The following ANK2 variants were observed in gnomAD, a reference collection of about 807,000 sequenced individuals.
The protein encoded by ANK2 is ankyrin 2.
A neutral mutation model predicts 360.5 loss-of-function variants in ANK2; 83 were observed. The observed-to-expected ratio is 0.23, with a 90% CI of 0.19 to 0.28. The LOEUF is 0.28. Ranked by LOEUF, ANK2 falls within the 10% of genes least tolerant of loss-of-function variation. The pLI, the probability that ANK2 is intolerant of heterozygous loss-of-function variation, is 1.00. For synonymous variants in ANK2, 1,740 were observed against 1,759.5 expected, an observed-to-expected ratio of 0.99 and a Z score of 0.28; for missense variants, 4,201 against 4,795.7, an observed-to-expected ratio of 0.88 and a Z score of 3.66.
intron 2 of ANK2, among the ~76,000 whole-genome samples, chr4:112,925,453 A>G (rs987625439): frequency 6.6e-6 from 1 of 152,186 alleles, no homozygotes; most frequent in African/African-American, 2.4e-5. Context: ...TATTGATACA[A>G]AAGATATATC....
chr4:113,164,962 T>C (rs7675829), intron 1 of ANK2, among the ~76,000 whole-genome samples: 64,400 of 151,804 alleles, frequency 0.42, 15,063 homozygotes, highest in African/African-American at 0.61. Context: ...CTCTTTTTTC[T>C]CTCGACCCAA....
intron 1 of ANK2, among the ~76,000 whole-genome samples, chr4:113,118,103 C>T (rs1179379891): frequency 6.6e-6 from 1 of 152,126 alleles, no homozygotes; most frequent in Non-Finnish European, 1.5e-5. Context: ...ATTCCTTTTA[C>T]ATTGAACTAT....
chr4:113,373,556 C>T, intron 45 of ANK2, 107 bp downstream of exon 45: 8 of 1,243,530 alleles, frequency 6.4e-6, no homozygotes, highest in Non-Finnish European at 9.5e-6. Context: ...TTCTCCCTTT[C>T]ATGTGGCAGT....
Position 113,369,674 on chromosome 4 carries a change from C to A in ANK2, c.11479C>A (p.Gln3827Lys), listed in dbSNP as rs1412829550. Residue 3827 changes from glutamine to lysine, a missense_variant, in exon 43 of 46, where the codon CAA becomes AAA. Gln to Lys is a moderately conservative substitution (Grantham distance 53, BLOSUM62 1). Around this residue, in one of 4 missense-constraint regions of ANK2, gnomAD observed 2,642 missense variants for 2,714.5 expected, o/e 0.97. Coordinates refer to ENST00000357077, the MANE Select transcript of ANK2 (RefSeq NM_001148.6). ...CGAGCGGGGAGGCTCTCCCATCATA[C>A]AAGAACCCGAAGAGCCCTCAGAGCA... ...SSERGGSPII[Q>K]EPEEPSEHRE... 11 of 1,614,052 alleles carry A rather than the reference C, an allele frequency of 6.8e-6. No individual in the cohort carries two copies. The highest frequency in any genetic ancestry group is 9.3e-6 in the Non-Finnish European group (11 of 1,180,024).
rs2062909748 is a variant in ANK2 at position 113,282,842 on chromosome 4, T to C, written c.2049T>C (p.Asp683=). Residue 683 remains aspartate, a synonymous_variant, in exon 18 of 46, where the codon GAT becomes GAC. Coordinates refer to ENST00000357077, the MANE Select transcript of ANK2 (RefSeq NM_001148.6). ...CAGATATGGTTACCTTGCTTCTGGA[T>C]AAGGGAGCCAATATCCACATGTCAA... The part of the protein sequence containing the change: ...GHTDMVTLLL[D]KGANIHMSTK... The C allele has an allele frequency of 1.9e-6, 3 of 1,613,864 alleles. No homozygotes were observed. The highest frequency in any genetic ancestry group is 2.5e-6 in the Non-Finnish European group (3 of 1,179,942).
At chr4:112,895,461 C>T (rs1184760550) in intron 1 of ANK2, among the ~76,000 whole-genome samples, 4 of 152,142 alleles carry the variant, frequency 2.6e-5, no homozygotes, top group African/African-American at 9.7e-5. Flanking sequence ...TTATTTTCCC[C>T]ACCAATTTTA....
intron 1 of ANK2, among the ~76,000 whole-genome samples, chr4:112,829,090 T>A (rs2059102202): frequency 6.6e-6 from 1 of 152,046 alleles, no homozygotes; most frequent in Non-Finnish European, 1.5e-5. Context: ...GAGGCAGAGG[T>A]TTCAGTGAGC....
chr4:112,739,256 T>C, the ANK2 span: 1 of 269,494 alleles, frequency 3.7e-6, no homozygotes, highest in South Asian at 4.0e-5. Context: ...TTTGTCTGGA[T>C]ATTTAATGGT....
chr4:113,265,542 C>G (rs1315845764), intron 14 of ANK2, among the ~76,000 whole-genome samples: 1 of 152,088 alleles, frequency 6.6e-6, no homozygotes, highest in African/African-American at 2.4e-5. Flanking sequence ...TCCACAGTTC[C>G]AAAATAGAAT....
chr4:112,764,092 G>A, the ANK2 span, among the ~76,000 whole-genome samples: 506 of 151,820 alleles, frequency 3.3e-3, 1 homozygote, highest in Middle Eastern at 0.041. Context: ...GCAGGGGCCC[G>A]CCACCATGCC....
At chr4:113,232,516 C>A (rs1472903389) in intron 5 of ANK2, among the ~76,000 whole-genome samples, 2 of 152,188 alleles carry the variant, frequency 1.3e-5, no homozygotes, top group African/African-American at 2.4e-5. Context: ...CATCCTCTGA[C>A]CTTTTAGGAG....
At chr4:112,811,516 G>A in the ANK2 span, among the ~76,000 whole-genome samples, 18 of 152,154 alleles carry the variant, frequency 1.2e-4, no homozygotes, top group African/African-American at 4.3e-4. Context: ...ATGGTAAATG[G>A]GGAAATTACT....
chr4:113,367,990 G>T, intron 42 of ANK2, 139 bp downstream of exon 42: 1 of 1,006,810 alleles, frequency 9.9e-7, no homozygotes, highest in Non-Finnish European at 1.4e-6. Flanking sequence ...AGCTAAAGGG[G>T]AAAAAAAAAG....
intron 2 of ANK2, among the ~76,000 whole-genome samples, chr4:113,186,357 A>C (rs1192795304): frequency 2.0e-5 from 3 of 152,188 alleles, no homozygotes; most frequent in African/African-American, 7.2e-5. Flanking sequence ...TAGCATCAAC[A>C]TCAACAAAAA....
At chr4:112,771,589 A>G in the ANK2 span, among the ~76,000 whole-genome samples, 1 of 107,876 alleles carries the variant, frequency 9.3e-6, no homozygotes, top group East Asian at 7.0e-4. Context: ...AGCTGGGGAA[A>G]CTTTTTTTTT....
At chr4:112,926,732 C>T (rs1479351384) in intron 2 of ANK2, among the ~76,000 whole-genome samples, 3 of 152,156 alleles carry the variant, frequency 2.0e-5, no homozygotes, top group East Asian at 3.8e-4. Context: ...TAATTTCTCT[C>T]CTAGAGAAAA....
intron 4 of ANK2, among the ~76,000 whole-genome samples, chr4:113,227,848 T>A (rs2099243627): frequency 6.6e-6 from 1 of 152,206 alleles, no homozygotes; most frequent in Admixed American, 6.5e-5. Context: ...TAGTATTAGG[T>A]CATTTATCAT....
chr4:113,133,120 T>C lies in ANK2; in HGVS notation c.85-41296T>C, dbSNP rs1178731774. Among the ~76,000 whole-genome samples the C allele has an allele frequency of 2.6e-5, 4 of 152,340 alleles. No individual in the cohort carries two copies. The East Asian group carries it at 5.8e-4, about 22-fold the overall frequency. On this transcript the variant is annotated intron_variant, in intron 1 of 45. Coordinates refer to ENST00000357077, the MANE Select transcript of ANK2 (RefSeq NM_001148.6). ...AATTATTGGTTGTTTCTAGATATAG[T>C]TGAAAGTATAAGGACTTGTTCCTAA...
chr4:113,085,589 G>A (rs183540359), intron 1 of ANK2, among the ~76,000 whole-genome samples: 1 of 152,114 alleles, frequency 6.6e-6, no homozygotes, highest in African/African-American at 2.4e-5. Context: ...TTACAGACGT[G>A]AGCCACCGCG....
Sources: allele counts gnomAD v4.1 joint callset (sites outside exome capture counted in the v4.1 genomes callset), GRCh38; gene constraint gnomAD v4.1.1; regional missense constraint gnomAD v4.1.1; transcripts MANE v1.5; gene names NCBI Gene and HGNC (gene_info 2026-07-23, HGNC 2026-07-21).